The following RNF150 variants were observed in gnomAD, a reference collection of about 807,000 sequenced individuals.
The protein encoded by RNF150 is ring finger protein 150.
RNF150 carries 24 observed loss-of-function variants against 39.3 expected under a neutral mutation model. The observed-to-expected ratio is 0.61, with a 90% CI of 0.44 to 0.86. The LOEUF (loss-of-function observed/expected upper bound fraction) is 0.86, where lower values mean the gene tolerates loss of function less well. Among genes scored for constraint, RNF150 ranks in the 40% least tolerant of loss-of-function variants. The probability of loss-of-function intolerance (pLI) is 0.00; values close to 1 mark genes in which losing one functional copy is unlikely to be tolerated. For synonymous variants in RNF150, 255 were observed against 227.3 expected, an observed-to-expected ratio of 1.12 and a Z score of -1.10; for missense variants, 502 against 587.8, an observed-to-expected ratio of 0.85 and a Z score of 1.51.
intron 1 of RNF150, among the ~76,000 whole-genome samples, chr4:141,200,405 T>C (rs979934167): frequency 6.6e-6 from 1 of 151,986 alleles, no homozygotes; most frequent in African/African-American, 2.4e-5. Context: ...CTGTCTATAA[T>C]TGCCTCCCAA....
At chr4:141,006,505 A>C (rs1734879600) in intron 1 of RNF150, among the ~76,000 whole-genome samples, 1 of 152,196 alleles carries the variant, frequency 6.6e-6, no homozygotes, top group African/African-American at 2.4e-5. Flanking sequence ...ACAAATGTCA[A>C]GTTTCTTTAA....
chr4:141,121,087 G>A (rs1050270126), intron 1 of RNF150, among the ~76,000 whole-genome samples: 10 of 152,134 alleles, frequency 6.6e-5, no homozygotes, highest in Non-Finnish European at 1.3e-4. Flanking sequence ...CATGCTCAGA[G>A]TCACCCCTTT....
chr4:141,208,221 G>A (rs1211168423), intron 1 of RNF150, among the ~76,000 whole-genome samples: 1 of 152,212 alleles, frequency 6.6e-6, no homozygotes, highest in Non-Finnish European at 1.5e-5. Flanking sequence ...CTCACTGGTG[G>A]AAGCTAACTC....
chr4:141,090,022 A>T (rs1450554265), intron 1 of RNF150, among the ~76,000 whole-genome samples: 1 of 152,172 alleles, frequency 6.6e-6, no homozygotes, highest in Non-Finnish European at 1.5e-5. Context: ...GCACATGGAC[A>T]TCTTGAAAAA....
At chr4:141,176,618 T>C (rs1727818922) in intron 1 of RNF150, among the ~76,000 whole-genome samples, 1 of 152,206 alleles carries the variant, frequency 6.6e-6, no homozygotes, top group South Asian at 2.1e-4. Flanking sequence ...ATCTAATTTA[T>C]AAATACTTCC....
At chr4:140,945,574 C>T (rs1017112574) in intron 4 of RNF150, among the ~76,000 whole-genome samples, 1 of 147,444 alleles carries the variant, frequency 6.8e-6, no homozygotes, top group Middle Eastern at 3.4e-3. Context: ...TACATATATA[C>T]ATATATATAC....
chr4:140,943,086 T>C (rs1446483698), intron 4 of RNF150, among the ~76,000 whole-genome samples: 3 of 152,290 alleles, frequency 2.0e-5, no homozygotes, highest in East Asian at 1.9e-4. Context: ...AAAATTCTCA[T>C]TGGGCCAGAA....
rs140139591 is a variant in RNF150 at position 141,055,932 on chromosome 4, G to A, written c.484+76393C>T. On this transcript the variant is annotated intron_variant, in intron 1 of 6. Transcript: ENST00000515673. ...ACAGGTGTGCACTTTGAAAATAGTG[G>A]AGTGCATGTTATGTCAGCATTTATT... Among the ~76,000 whole-genome samples, 39 of 152,220 alleles carry A rather than the reference G, an allele frequency of 2.6e-4. No homozygotes were observed. In the East Asian group the frequency reaches 7.5e-3, roughly 29 times the overall value.
At chr4:141,188,537 G>A (rs1728052712) in intron 1 of RNF150, among the ~76,000 whole-genome samples, 2 of 152,014 alleles carry the variant, frequency 1.3e-5, no homozygotes, top group Admixed American at 6.6e-5. Flanking sequence ...TTGGAGGCTT[G>A]TTTCGTTCCT....
intron 1 of RNF150, among the ~76,000 whole-genome samples, chr4:141,036,509 CTG>C (rs1736152790): frequency 6.6e-6 from 1 of 152,114 alleles, no homozygotes; most frequent in South Asian, 2.1e-4. Context: ...AAAACTGAAA[CTG>C]TATACTCACG....
intron 1 of RNF150, among the ~76,000 whole-genome samples, chr4:141,141,773 G>A (rs1284738901): frequency 1.3e-5 from 2 of 152,154 alleles, no homozygotes; most frequent in Non-Finnish European, 2.9e-5. Flanking sequence ...AGTCAATCGA[G>A]CCACTGCACT....
At chr4:141,164,278 A>C (rs1307020884) in intron 1 of RNF150, among the ~76,000 whole-genome samples, 1 of 152,098 alleles carries the variant, frequency 6.6e-6, no homozygotes, top group Non-Finnish European at 1.5e-5. Flanking sequence ...AGGAACAAAC[A>C]AAGCCTCCAA....
At chr4:141,070,452 A>G (rs1202504756) in intron 1 of RNF150, among the ~76,000 whole-genome samples, 2 of 147,652 alleles carry the variant, frequency 1.4e-5, no homozygotes, top group Non-Finnish European at 1.5e-5. Context: ...GCAACCTACA[A>G]AATGGGAGAA....
At position 141,132,551 on chromosome 4, in the gene RNF150, G is replaced by A. The variant is rs1293772220; in HGVS notation, c.258C>T (p.Ala86=). The change falls in exon 1 of 7, where the codon GCC becomes GCT. Residue 86 remains alanine, a synonymous_variant. Coordinates refer to ENST00000515673, the MANE Select transcript of RNF150 (RefSeq NM_020724.2). This position sits in a 1 kb window ranked among gnomAD's most constrained non-coding sequence, Gnocchi z 4.9. ...AGCTGGCCATGACCACCTCCCCGCG[G>A]GCGTCCTGCTTGGGCGAGTGCTCTC... The part of the protein sequence containing the change: ...RYGEHSPKQD[A]RGEVVMASSA... 9 of 1,594,384 alleles carry A rather than the reference G, an allele frequency of 5.6e-6. No homozygotes were observed. The highest frequency in any genetic ancestry group is 1.1e-5 in the South Asian group (1 of 87,772).
intron 5 of RNF150, among the ~76,000 whole-genome samples, chr4:140,916,599 T>A (rs909756369): frequency 1.3e-5 from 2 of 152,266 alleles, no homozygotes; most frequent in African/African-American, 4.8e-5. Context: ...GAGAATGGAA[T>A]CAAGTTGGAA....
intron 1 of RNF150, among the ~76,000 whole-genome samples, chr4:141,095,572 A>G (rs551405458): frequency 6.6e-6 from 1 of 152,360 alleles, no homozygotes; most frequent in East Asian, 1.9e-4. Flanking sequence ...GACACAAAAT[A>G]ATTCCATTAT....
chr4:140,923,083 C>G (rs1244824626), intron 5 of RNF150, among the ~76,000 whole-genome samples: 9 of 150,730 alleles, frequency 6.0e-5, no homozygotes, highest in Admixed American at 5.3e-4. Flanking sequence ...GTCTAAAACA[C>G]CAAAAGCAAT....
chr4:141,035,347 C>T (rs528475329), intron 1 of RNF150, among the ~76,000 whole-genome samples: 8 of 152,262 alleles, frequency 5.3e-5, no homozygotes, highest in African/African-American at 1.2e-4. Flanking sequence ...CTGGCGCTAC[C>T]GGATTCACCT....
chr4:141,173,906 T>A (rs1399787719), intron 1 of RNF150, among the ~76,000 whole-genome samples: 1 of 152,238 alleles, frequency 6.6e-6, no homozygotes, highest in East Asian at 1.9e-4. Flanking sequence ...GAAGCAACTG[T>A]TGTTATCAAT....
Sources: allele counts gnomAD v4.1 joint callset (sites outside exome capture counted in the v4.1 genomes callset), GRCh38; gene constraint gnomAD v4.1.1; non-coding constraint Gnocchi (gnomAD v3.1); transcripts MANE v1.5; gene names NCBI Gene and HGNC (gene_info 2026-07-23, HGNC 2026-07-21).